SEMA6D: variants seen among roughly 807,000 people sequenced by gnomAD.
The protein encoded by SEMA6D is semaphorin 6D.
SEMA6D carries 35 observed loss-of-function variants against 106.6 expected under a neutral mutation model. That is an observed-to-expected ratio of 0.33 (90% CI 0.25 to 0.44). The LOEUF (loss-of-function observed/expected upper bound fraction) is 0.44, where lower values mean the gene tolerates loss of function less well. Among genes scored for constraint, SEMA6D ranks in the 20% least tolerant of loss-of-function variants. The pLI is 1.00. For synonymous variants in SEMA6D, 499 were observed against 487.7 expected, an observed-to-expected ratio of 1.02 and a Z score of -0.31; for missense variants, 1,185 against 1,345.9, an observed-to-expected ratio of 0.88 and a Z score of 1.87.
At chr15:47,380,749 T>A (rs191637416) in intron 1 of SEMA6D, among the ~76,000 whole-genome samples, 1 of 152,356 alleles carries the variant, frequency 6.6e-6, no homozygotes, top group East Asian at 1.9e-4. Context: ...TCTCATTACA[T>A]GTATTTCAGA....
At chr15:47,351,531 G>A (rs1360350520) in intron 1 of SEMA6D, among the ~76,000 whole-genome samples, 1 of 152,126 alleles carries the variant, frequency 6.6e-6, no homozygotes, top group Non-Finnish European at 1.5e-5. Flanking sequence ...CAGCTAAGAG[G>A]TAATCCTTAG....
chr15:47,363,718 C>T (rs1263912166), intron 1 of SEMA6D, among the ~76,000 whole-genome samples: 1 of 152,114 alleles, frequency 6.6e-6, no homozygotes, highest in Non-Finnish European at 1.5e-5. Context: ...ATGGCCACCA[C>T]AGGAAGGAAG....
intron 2 of SEMA6D, among the ~76,000 whole-genome samples, chr15:47,432,083 G>C (rs1567075301): frequency 6.6e-6 from 1 of 152,068 alleles, no homozygotes; most frequent in Non-Finnish European, 1.5e-5. Context: ...GATCTAAAAA[G>C]ATATTTTCTT....
intron 1 of SEMA6D, among the ~76,000 whole-genome samples, chr15:47,203,874 T>C (rs1894878331): frequency 6.6e-6 from 1 of 152,224 alleles, no homozygotes; most frequent in Non-Finnish European, 1.5e-5. Context: ...ACTGAAAATA[T>C]TATAAATCAG....
chr15:47,684,598 A>C (rs1350832332), intron 4 of SEMA6D, among the ~76,000 whole-genome samples: 1 of 152,194 alleles, frequency 6.6e-6, no homozygotes, highest in African/African-American at 2.4e-5. Context: ...TGCCCAGTAC[A>C]TACCAGGAGC....
rs1460385201 is a variant in SEMA6D at position 47,770,811 on chromosome 15, C to A, written c.2248C>A (p.Pro750Thr). The A allele has an allele frequency of 6.2e-7, 1 of 1,614,010 alleles. No homozygotes were observed. Among genetic ancestry groups the A allele is most frequent in the Non-Finnish European group, 8.5e-7 (1 of 1,179,970 alleles). ...NLLTSRKELP[P>T]NGDTKSMVMD... ...GCTAACCAGTCGGAAAGAGCTACCA[C>A]CCAATGGAGATACTAAATCCATGGT... The change falls in exon 19 of 19, where the codon CCC (proline) becomes ACC (threonine). Residue 750 changes from proline (P) to threonine (T), a missense_variant. By Grantham distance (38) the Pro-to-Thr change is conservative. Transcript: ENST00000536845.
intron 1 of SEMA6D, among the ~76,000 whole-genome samples, chr15:47,731,466 A>G (rs1203982117): frequency 1.3e-5 from 2 of 152,234 alleles, no homozygotes; most frequent in Admixed American, 1.3e-4. Flanking sequence ...GAATGCCTTC[A>G]TAGATTGGCA....
intron 2 of SEMA6D, among the ~76,000 whole-genome samples, chr15:47,416,077 T>C (rs922803023): frequency 6.6e-6 from 1 of 152,082 alleles, no homozygotes; most frequent in Non-Finnish European, 1.5e-5. Flanking sequence ...ACCAAGAGTA[T>C]CATCCATTTA....
At chr15:47,750,873 A>G (rs970601441) in intron 1 of SEMA6D, among the ~76,000 whole-genome samples, 2 of 152,144 alleles carry the variant, frequency 1.3e-5, no homozygotes, top group Admixed American at 1.3e-4. Context: ...AGCTGCATGC[A>G]TGTGGTGGAG....
At chr15:47,387,251 T>C (rs1265899909) in intron 1 of SEMA6D, among the ~76,000 whole-genome samples, 1 of 152,230 alleles carries the variant, frequency 6.6e-6, no homozygotes, top group Non-Finnish European at 1.5e-5. Flanking sequence ...TCAAGGAAAT[T>C]TAAGGGAAGC....
Position 47,690,656 on chromosome 15 carries a change from G to A in SEMA6D, c.-54-69089G>A, listed in dbSNP as rs1335840406. Among the ~76,000 whole-genome samples the A allele has an allele frequency of 4.6e-5, 7 of 152,216 alleles. No homozygotes were observed. In the East Asian group the frequency reaches 9.7e-4, roughly 21 times the overall value. ...GCTAAACAACTTCTGGCACTACAAG[G>A]TAGTTCCCAGTGTCAAAAATTTATG... On this transcript the variant is annotated intron_variant, in intron 4 of 19. Transcript: ENST00000558014.
intron 1 of SEMA6D, among the ~76,000 whole-genome samples, chr15:47,336,091 A>G (rs1459359605): frequency 1.3e-5 from 2 of 152,198 alleles, no homozygotes; most frequent in Non-Finnish European, 2.9e-5. Context: ...CTGGCTGGGC[A>G]CCTAAAGCTT....
intron 3 of SEMA6D, among the ~76,000 whole-genome samples, chr15:47,565,941 A>G (rs1034357861): frequency 2.0e-4 from 31 of 152,214 alleles, no homozygotes; most frequent in Non-Finnish European, 5.9e-5. Flanking sequence ...CAACTGAGAT[A>G]TAGAAGTTTA....
chr15:47,557,414 AATGCTCAGT>A (rs2045946712), intron 3 of SEMA6D, among the ~76,000 whole-genome samples: 2 of 152,276 alleles, frequency 1.3e-5, no homozygotes, highest in South Asian at 4.1e-4. Context: ...TCACAAACAT[AATGCTCAGT>A]ATGAACCAAA....
intron 1 of SEMA6D, among the ~76,000 whole-genome samples, chr15:47,253,160 T>G (rs535678803): frequency 1.3e-5 from 2 of 152,302 alleles, no homozygotes; most frequent in East Asian, 3.9e-4. Context: ...TGTATTTGTA[T>G]TTACCTAATG....
intron 4 of SEMA6D, among the ~76,000 whole-genome samples, chr15:47,650,180 G>A (rs1189900026): frequency 6.6e-6 from 1 of 152,134 alleles, no homozygotes; most frequent in East Asian, 1.9e-4. Flanking sequence ...AAGTTACATT[G>A]CTAGTTCAGT....
chr15:47,296,305 C>G (rs139348414), intron 1 of SEMA6D, among the ~76,000 whole-genome samples: 1 of 152,318 alleles, frequency 6.6e-6, no homozygotes, highest in Non-Finnish European at 1.5e-5. Flanking sequence ...ATAGGCCTAA[C>G]TTCATCACAG....
intron 3 of SEMA6D, among the ~76,000 whole-genome samples, chr15:47,474,766 G>A (rs1311894121): frequency 2.0e-5 from 3 of 152,150 alleles, no homozygotes; most frequent in Non-Finnish European, 4.4e-5. Flanking sequence ...GTATTCCTTG[G>A]CCCTTTTGCA....
chr15:47,349,392 C>T (rs2038219513), intron 1 of SEMA6D, among the ~76,000 whole-genome samples: 1 of 152,150 alleles, frequency 6.6e-6, no homozygotes, highest in South Asian at 2.1e-4. Context: ...CTCTACAGGG[C>T]ATGTTGGTGC....
Sources: allele counts gnomAD v4.1 joint callset (sites outside exome capture counted in the v4.1 genomes callset), GRCh38; gene constraint gnomAD v4.1.1; transcripts MANE v1.5; gene names NCBI Gene and HGNC (gene_info 2026-07-23, HGNC 2026-07-21).